The following TENM2 variants were observed in gnomAD, a reference collection of about 807,000 sequenced individuals.
TENM2 encodes the protein teneurin-2.
A neutral mutation model predicts 245.2 loss-of-function variants in TENM2; 52 were observed. The ratio of observed to expected loss-of-function variants is 0.21; its 90% CI spans 0.17 to 0.27. The LOEUF (loss-of-function observed/expected upper bound fraction) is 0.27, where lower values mean the gene tolerates loss of function less well. Ranked by LOEUF, TENM2 falls within the 10% of genes least tolerant of loss-of-function variation. The probability of loss-of-function intolerance (pLI) is 1.00; values close to 1 mark genes in which losing one functional copy is unlikely to be tolerated. For synonymous variants in TENM2, 1,363 were observed against 1,438.9 expected (o/e 0.95, Z 1.19); for missense variants, 3,046 against 3,666.8 (o/e 0.83, Z 4.37).
intron 3 of TENM2, chr5:167,934,816 C>T (rs1778568414): frequency 2.0e-6 from 2 of 977,964 alleles, no homozygotes; most frequent in South Asian, 9.5e-5. Context: ...TGTGTGTGCT[C>T]AGCATCACGG....
At chr5:168,049,867 A>G (rs188454309) in intron 6 of TENM2, among the ~76,000 whole-genome samples, 2 of 152,228 alleles carry the variant, frequency 1.3e-5, no homozygotes, top group Admixed American at 6.5e-5. Context: ...CAGTGATGCA[A>G]TCTCGGCTCA....
chr5:167,229,390 G>C, the TENM2 span, among the ~76,000 whole-genome samples: 1 of 152,232 alleles, frequency 6.6e-6, no homozygotes, highest in African/African-American at 2.4e-5. Context: ...AGGAATGACA[G>C]TGGTGGGCTG....
intron 1 of TENM2, among the ~76,000 whole-genome samples, chr5:167,340,130 G>A (rs1015221195): frequency 5.9e-5 from 9 of 152,026 alleles, no homozygotes; most frequent in African/African-American, 1.7e-4. Flanking sequence ...CAAATCCTTC[G>A]TCACTTTATA....
intron 3 of TENM2, among the ~76,000 whole-genome samples, chr5:167,888,703 T>C (rs978614096): frequency 4.6e-5 from 7 of 152,210 alleles, no homozygotes; most frequent in Non-Finnish European, 1.0e-4. Context: ...GCTTTAAAAT[T>C]CTAGCTCAGG....
chr5:167,690,400 G>T (rs1266799846), intron 2 of TENM2, among the ~76,000 whole-genome samples: 1 of 152,026 alleles, frequency 6.6e-6, no homozygotes, highest in Non-Finnish European at 1.5e-5. Context: ...TTTTTCTTGA[G>T]TTGGTATACA....
At chr5:168,015,221 A>C (rs1785557021) in intron 5 of TENM2, among the ~76,000 whole-genome samples, 1 of 152,166 alleles carries the variant, frequency 6.6e-6, no homozygotes, top group Admixed American at 6.5e-5. Flanking sequence ...CTGACTGGAG[A>C]CAGACAGTGC....
chr5:167,150,611 A>G, the TENM2 span, among the ~76,000 whole-genome samples: 1 of 152,226 alleles, frequency 6.6e-6, no homozygotes, highest in Non-Finnish European at 1.5e-5. Flanking sequence ...ACTTCTCACA[A>G]CAACCAACTA....
chr5:167,051,752 A>T, the TENM2 span, among the ~76,000 whole-genome samples: 1 of 152,326 alleles, frequency 6.6e-6, no homozygotes, highest in South Asian at 2.1e-4. Flanking sequence ...AAATGCAAAG[A>T]TTTCTCTATT....
chr5:167,689,265 A>G (rs1221761396), intron 2 of TENM2, among the ~76,000 whole-genome samples: 2 of 152,186 alleles, frequency 1.3e-5, no homozygotes, highest in Non-Finnish European at 2.9e-5. Context: ...GCAGCAGCAC[A>G]TTCTAAAACA....
At chr5:167,444,321 A>AC (rs56033577) in intron 2 of TENM2, among the ~76,000 whole-genome samples, 5 of 151,400 alleles carry the variant, frequency 3.3e-5, no homozygotes, top group African/African-American at 9.7e-5. Context: ...ACACACACAC[A>AC]ATCCTTAATT....
rs544722036 is a variant in TENM2 at position 167,706,459 on chromosome 5, A to T, written c.503-169527A>T. Among the ~76,000 whole-genome samples, 87 of 151,034 alleles carry T rather than the reference A, an allele frequency of 5.8e-4. 1 individual carries two copies. Among genetic ancestry groups the T allele is most frequent in the Non-Finnish European group, 8.7e-4 (59 of 67,820 alleles). On this transcript the variant is annotated intron_variant, in intron 2 of 28. Transcript: ENST00000518659. ...TAAGAAAATGTGATACTGTGTGTAG[A>T]TATATCTATATCTATATCTATATAT...
At chr5:167,977,114 A>G (rs1383006372) in intron 4 of TENM2, among the ~76,000 whole-genome samples, 1 of 152,190 alleles carries the variant, frequency 6.6e-6, no homozygotes, top group Non-Finnish European at 1.5e-5. Context: ...GAGCTAAATG[A>G]TGAGATGAGA....
chr5:167,535,869 T>G (rs1229019275), intron 2 of TENM2, among the ~76,000 whole-genome samples: 1 of 152,132 alleles, frequency 6.6e-6, no homozygotes. Context: ...AGCTCACAAA[T>G]CAAAGGCAAG....
At chr5:167,391,710 A>G (rs1761770214) in intron 2 of TENM2, among the ~76,000 whole-genome samples, 1 of 151,936 alleles carries the variant, frequency 6.6e-6, no homozygotes, top group Admixed American at 6.6e-5. Context: ...GATGAGAAAT[A>G]CTTGAAGAAG....
At chr5:167,453,313 T>C (rs1435521122) in intron 2 of TENM2, among the ~76,000 whole-genome samples, 1 of 152,120 alleles carries the variant, frequency 6.6e-6, no homozygotes, top group African/African-American at 2.4e-5. Context: ...AATGGCCCAA[T>C]TTTTATCTAA....
At chr5:167,430,151 AGG>A (rs1410336917) in intron 2 of TENM2, among the ~76,000 whole-genome samples, 1 of 152,012 alleles carries the variant, frequency 6.6e-6, no homozygotes, top group Non-Finnish European at 1.5e-5. Context: ...ACCAACGGAG[AGG>A]TTTGTCTGGA....
At chr5:168,123,370 T>TA (rs1431982262) in intron 10 of TENM2, among the ~76,000 whole-genome samples, 2 of 152,092 alleles carry the variant, frequency 1.3e-5, no homozygotes, top group Admixed American at 1.3e-4. Flanking sequence ...ACACTCAGCA[T>TA]AAAAAATGTC....
intron 1 of TENM2, among the ~76,000 whole-genome samples, chr5:167,343,576 G>C (rs1758255210): frequency 6.6e-6 from 1 of 152,048 alleles, no homozygotes; most frequent in Non-Finnish European, 1.5e-5. Flanking sequence ...TATTTAAAAA[G>C]CCATACTTTG....
intron 2 of TENM2, among the ~76,000 whole-genome samples, chr5:167,837,343 G>A (rs964010284): frequency 1.3e-5 from 2 of 151,976 alleles, no homozygotes; most frequent in Non-Finnish European, 2.9e-5. Context: ...CCTACAAGGT[G>A]AGTGATTCAG....
Sources: allele counts gnomAD v4.1 joint callset (sites outside exome capture counted in the v4.1 genomes callset), GRCh38; gene constraint gnomAD v4.1.1; transcripts MANE v1.5; gene names NCBI Gene and HGNC (gene_info 2026-07-23, HGNC 2026-07-21).